SHOX: variants seen among roughly 807,000 people sequenced by gnomAD.
SHOX encodes the protein short stature homeobox protein.
Under a neutral mutation model 29.6 loss-of-function variants are expected in SHOX, and 12 were observed. That is an observed-to-expected ratio of 0.41 (90% confidence interval 0.26 to 0.66). The LOEUF (loss-of-function observed/expected upper bound fraction) is 0.66. Among genes scored for constraint, SHOX ranks in the 30% least tolerant of loss-of-function variants. SHOX has a pLI of 0.35. For synonymous variants in SHOX, 214 were observed against 200.6 expected (o/e 1.07, Z -0.57); for missense variants, 499 against 437.7 (o/e 1.14, Z -1.25).
intron 2 of SHOX, among the ~76,000 whole-genome samples, chrX:635,685 C>T (rs55647352): frequency 8.8e-4 from 134 of 152,270 alleles, no homozygotes; most frequent in Non-Finnish European, 1.6e-3. Flanking sequence ...GCGGGCAGAG[C>T]CTTCCTCCGC....
chrX:627,583 C>T (rs185890709), upstream of SHOX, among the ~76,000 whole-genome samples: 1 of 152,314 alleles, frequency 6.6e-6, no homozygotes, highest in East Asian at 1.9e-4. Context: ...GATTTCAAAG[C>T]CACTTGTCTG....
At chrX:635,635 CT>C (rs1288320825) in intron 2 of SHOX, among the ~76,000 whole-genome samples, 6 of 152,188 alleles carry the variant, frequency 3.9e-5, no homozygotes, top group African/African-American at 7.2e-5. Flanking sequence ...AGACCAGGCA[CT>C]GGGGGGCGGA....
Position 649,768 on chromosome X carries a change from T to C in SHOX, c.*5132T>C, listed in dbSNP as rs184374118. ...TGAACGATGCTGGGTTGGGTCCTGA[T>C]TGATACGTATTTTCTTCCCTCCTCT... On this transcript the variant is annotated 3_prime_UTR_variant, in exon 5 of 5. Transcript: ENST00000686671. 0.021 allele frequency among the ~76,000 whole-genome samples: 3,135 copies of C among 152,214 alleles called. 115 individuals are homozygous for C. The highest frequency in any genetic ancestry group is 0.072 in the African/African-American group (2,972 of 41,526).
At chrX:626,197 T>TC (rs1428347088), upstream of SHOX, among the ~76,000 whole-genome samples, 2 of 135,494 alleles carry the variant, frequency 1.5e-5, no homozygotes, top group East Asian at 2.2e-4. Flanking sequence ...TTCGTTCCTC[T>TC]CTCTCTTTTT....
At chrX:629,833 G>A (rs1249772185), upstream of SHOX, among the ~76,000 whole-genome samples, 1 of 152,180 alleles carries the variant, frequency 6.6e-6, no homozygotes, top group Non-Finnish European at 1.5e-5. Context: ...CGAATTTCAG[G>A]TCGCGATGGC....
rs776968719 is a variant in SHOX, at chrX:631,182, C to T, written c.277+8C>T. ...CCGCGAGAGTGGCAGAAGGTAAGTT[C>T]CTTTGCGCTCCGGCTCCAGGGGGGC... On this transcript the variant is annotated splice_region_variant and intron_variant, in intron 1 of 4. Coordinates refer to ENST00000686671, the MANE Select transcript of SHOX (RefSeq NM_000451.4). The T allele has an allele frequency of 1.2e-5, 20 of 1,612,276 alleles. No homozygotes were observed. The Admixed American group carries it at 2.2e-4, about 17-fold the overall frequency.
intron 2 of SHOX, among the ~76,000 whole-genome samples, chrX:635,857 GGAGAGA>G (rs369333132): frequency 3.8e-4 from 55 of 146,144 alleles, no homozygotes; most frequent in East Asian, 1.4e-3. Flanking sequence ...GTGGGGGGAG[GGAGAGA>G]GAGAGAGAGA....
intron 1 of SHOX, 47 bp downstream of exon 1, chrX:631,221 G>A (rs370013396): frequency 2.1e-5 from 34 of 1,607,296 alleles, no homozygotes; most frequent in African/African-American, 2.7e-5. Flanking sequence ...CCTGGGGTTC[G>A]GCGCCTCCTC....
intron 5 of SHOX, among the ~76,000 whole-genome samples, chrX:656,665 C>A (rs1447898289): frequency 1.3e-5 from 2 of 152,072 alleles, no homozygotes; most frequent in African/African-American, 2.4e-5. Flanking sequence ...CACGGTGAAA[C>A]CCCGTCTCTA....
At chrX:635,617 G>T (rs1258189201) in intron 2 of SHOX, among the ~76,000 whole-genome samples, 1 of 152,226 alleles carries the variant, frequency 6.6e-6, no homozygotes, top group Non-Finnish European at 1.5e-5. Flanking sequence ...AATTCACGCT[G>T]CCCCATGAGA....
At chrX:628,089 C>G (rs1432182663), upstream of SHOX, among the ~76,000 whole-genome samples, 10 of 38,652 alleles carry the variant, frequency 2.6e-4, no homozygotes, top group South Asian at 7.0e-3. Flanking sequence ...TTCCCCCTCC[C>G]TGTCTCCCTC....
At chrX:657,051 T>C (rs2053158573) in intron 5 of SHOX, among the ~76,000 whole-genome samples, 1 of 75,106 alleles carries the variant, frequency 1.3e-5, no homozygotes, top group South Asian at 6.1e-4. Flanking sequence ...ACCACTGCCC[T>C]CCAGCCTGGG....
rs1241641309 is a variant in SHOX at position 643,628 on chromosome X, G to T, written c.634-763G>T. Among the ~76,000 whole-genome samples the T allele has an allele frequency of 2.8e-5, 4 of 143,270 alleles. No individual in the cohort carries two copies. In the East Asian group the frequency reaches 8.4e-4, roughly 30 times the overall value. The allele number at this position is 143,270 out of a possible 152,430, so 94.0% of individuals were successfully genotyped here. ...CCTGGTGTCCTGGGAGAGCCTTGGG[G>T]ATCTGGTGTCCTGGGGAGAGGCTGG... On this transcript the variant is annotated intron_variant, in intron 4 of 4. Transcript: ENST00000686671.
chrX:634,598 G>T lies in SHOX; in HGVS notation c.278-20G>T, dbSNP rs1443782674. ...AAAACCTCCCCGGCCTCAGCCCTGT[G>T]CCCTCCGCTCCCCACGCAGGGATTT... On this transcript the variant is annotated intron_variant, in intron 1 of 4. Coordinates refer to ENST00000686671, the MANE Select transcript of SHOX (RefSeq NM_000451.4). 6.2e-7 allele frequency: 1 copy of T among 1,612,166 alleles called. No individual in the cohort carries two copies. Among genetic ancestry groups the T allele is most frequent in the Admixed American group, 1.7e-5 (1 of 59,912 alleles).
intron 2 of SHOX, among the ~76,000 whole-genome samples, chrX:637,819 TAG>T (rs2052783997): frequency 6.6e-6 from 1 of 152,148 alleles, no homozygotes; most frequent in African/African-American, 2.4e-5. Context: ...TGTGACCGGA[TAG>T]AGTTTCAATT....
upstream of SHOX, among the ~76,000 whole-genome samples, chrX:627,136 C>T (rs1369934899): frequency 1.3e-5 from 2 of 152,178 alleles, no homozygotes; most frequent in East Asian, 1.9e-4. Context: ...CCCTTGTACA[C>T]AGCCCAGGCC....
exon 6 of SHOX, chrX:658,907 G>C (rs1276417257): frequency 3.1e-5 from 9 of 287,986 alleles, no homozygotes; most frequent in Non-Finnish European, 6.4e-5. Context: ...TGGGATTACA[G>C]GTGCCCACCA....
chrX:644,332 C>T (rs1392998121), intron 4 of SHOX, 59 bp from the exon 5 acceptor site: 1 of 1,464,502 alleles, frequency 6.8e-7, no homozygotes, highest in African/African-American at 1.5e-5. Flanking sequence ...GGGCGCGGGG[C>T]GGAGCAGGCC....
rs1393904423 is a variant in SHOX at position 651,453 on chromosome X, A to G, written c.*6817A>G. On this transcript the variant is annotated 3_prime_UTR_variant, in exon 5 of 5. Coordinates refer to ENST00000686671, the MANE Select transcript of SHOX (RefSeq NM_000451.4). ...AAAACCACCCTGAGTTTCTCTGGTG[A>G]CGCCCTCATTCTCCTAACGTTCAAT... 2 of 452,090 alleles carry G rather than the reference A, an allele frequency of 4.4e-6. No homozygotes were observed. The highest frequency in any genetic ancestry group is 4.8e-5 in the Admixed American group (2 of 41,782). The allele number at this position is 452,090 out of a possible 1,614,324, so 28.0% of individuals were successfully genotyped here.
Sources: gnomAD v4.1 joint callset for allele counts (sites outside exome capture counted in the v4.1 genomes callset) on GRCh38, gnomAD v4.1.1 for gene constraint, MANE v1.5 for transcripts, NCBI Gene and HGNC (gene_info 2026-07-23, HGNC 2026-07-21) for gene names.